EPG5: variants seen among roughly 807,000 people sequenced by gnomAD.
EPG5 encodes the protein ectopic P granules protein 5 homolog.
Under a neutral mutation model 302.7 loss-of-function variants are expected in EPG5, and 159 were observed. The ratio of observed to expected loss-of-function variants is 0.53; its 90% CI spans 0.46 to 0.60. EPG5 has a LOEUF of 0.60. EPG5 is among the 20% of genes least tolerant of loss of function. The probability of loss-of-function intolerance (pLI) is 0.00; values close to 1 mark genes in which losing one functional copy is unlikely to be tolerated. For missense variants in EPG5, 2,896 were observed against 3,092.4 expected, an observed-to-expected ratio of 0.94 and a Z score of 1.51; for synonymous variants, 1,158 against 1,136.8, an observed-to-expected ratio of 1.02 and a Z score of -0.37.
chr18:45,966,673 G>A lies in EPG5; in HGVS notation c.63+504C>T, dbSNP rs150084778. ...ATCAAGACAATAAGAAATAAACAGA[G>A]GCAGCACTACTATCATCTTGAACTT... On this transcript the variant is annotated intron_variant, in intron 1 of 43. Transcript: ENST00000282041. Among the ~76,000 whole-genome samples, 402 of 152,256 alleles carry A rather than the reference G, an allele frequency of 2.6e-3. 2 individuals are homozygous for A. Among genetic ancestry groups the A allele is most frequent in the African/African-American group, 9.3e-3 (387 of 41,538 alleles).
At chr18:45,963,927 T>G (rs2051198221) in intron 1 of EPG5, among the ~76,000 whole-genome samples, 1 of 152,134 alleles carries the variant, frequency 6.6e-6, no homozygotes, top group South Asian at 2.1e-4. Context: ...GGAGAGGAAA[T>G]GCACAGAATC....
intron 10 of EPG5, 141 bp from the exon 11 acceptor site, chr18:45,935,107 A>G: frequency 1.2e-6 from 1 of 850,002 alleles, no homozygotes; most frequent in Non-Finnish European, 1.8e-6. Flanking sequence ...TAAACACCTC[A>G]AGGATGGCTA....
chr18:45,825,122 G>C, the EPG5 span, among the ~76,000 whole-genome samples: 13 of 142,054 alleles, frequency 9.2e-5, no homozygotes, highest in South Asian at 5.1e-4. Context: ...CTTTGAGAAG[G>C]GAGGTAGGAA....
chr18:45,811,461 C>A, the EPG5 span, among the ~76,000 whole-genome samples: 1,391 of 151,860 alleles, frequency 9.2e-3, 15 homozygotes, highest in African/African-American at 0.031. Context: ...CACACACACA[C>A]AAAAAAGAGA....
chr18:45,836,053 C>T, the EPG5 span, among the ~76,000 whole-genome samples: 1 of 152,146 alleles, frequency 6.6e-6, no homozygotes, highest in African/African-American at 2.4e-5. Flanking sequence ...AGGAATGTCC[C>T]GACCTGTGAT....
rs2048729691 is a variant in EPG5 at position 45,865,681 on chromosome 18, T to C, written c.6700A>G (p.Thr2234Ala). 1 of 1,613,648 alleles carries C rather than the reference T, an allele frequency of 6.2e-7. No individual in the cohort carries two copies. Among genetic ancestry groups the C allele is most frequent in the African/African-American group, 1.3e-5 (1 of 74,732 alleles). The change falls in exon 39 of 44, where the codon ACC becomes GCC. Residue 2234 changes from threonine (T) to alanine (A), a missense_variant. This residue lies in a region of EPG5 where 620 missense variants were observed against 704.2 expected (regional missense o/e 0.88). Coordinates refer to ENST00000282041, the MANE Select transcript of EPG5 (RefSeq NM_020964.3). ...LSTLEQNGKI[T>A]LAVLEQEMSK... The stretch of plus-strand genomic sequence containing the variant: ...ATTTCCTGTTCTAGGACTGCTAAGG[T>C]GATTTTTCCATTTTGTTCCAGGGTG...
chr18:45,831,792 C>T, the EPG5 span, among the ~76,000 whole-genome samples: 1 of 150,110 alleles, frequency 6.7e-6, no homozygotes, highest in African/African-American at 2.5e-5. Context: ...GGCTGGAGTA[C>T]AGTGGGGCAA....
intron 6 of EPG5, 62 bp from the exon 7 acceptor site, chr18:45,946,830 T>G (rs1027186590): frequency 1.5e-6 from 2 of 1,295,332 alleles, no homozygotes; most frequent in Non-Finnish European, 2.2e-6. Context: ...GCATTGTGGA[T>G]TCTCTACTCA....
At chr18:45,966,018 G>C (rs1599670111) in intron 1 of EPG5, among the ~76,000 whole-genome samples, 1 of 148,946 alleles carries the variant, frequency 6.7e-6, no homozygotes, top group East Asian at 2.1e-4. Flanking sequence ...GCACTCCGCC[G>C]AGATTGCACT....
rs761064074 is a variant in EPG5, at chr18:45,904,080, T to C, written c.4367A>G (p.Tyr1456Cys). The change falls in exon 25 of 44, where the codon TAT becomes TGT. Residue 1456 changes from tyrosine to cysteine, a missense_variant. Transcript: ENST00000282041. ...WMEYLNMERI[Y>C]HEFQETVGLW... ...ACCAACAGTCTCCTGAAACTCATGATAGATGCGCTCCATGTTCAAATACTC... is the reference window on the plus strand; with the variant it reads ...ACCAACAGTCTCCTGAAACTCATGACAGATGCGCTCCATGTTCAAATACTC... 22 of 1,612,712 alleles carry C rather than the reference T, an allele frequency of 1.4e-5. No homozygotes were observed. In the Admixed American group the frequency reaches 3.2e-4, roughly 23 times the overall value.
rs1356594908 is a variant in EPG5, at chr18:45,954,825, G to C, written c.577C>G (p.Gln193Glu). The C allele has an allele frequency of 2.5e-6, 4 of 1,614,084 alleles. No homozygotes were observed. Among genetic ancestry groups the C allele is most frequent in the African/African-American group, 1.3e-5 (1 of 74,940 alleles). ...CAAGAACTCTGCAAGCCAACATTCT[G>C]TGGCACCTCTGAAGAACAAACCAGG... ...QGLVCSSEVP[Q>E]NVGLQSSCPA... The change falls in exon 2 of 44, where the codon CAG becomes GAG. Residue 193 changes from glutamine to glutamate, a missense_variant. By Grantham distance (29) the Gln-to-Glu change is conservative (BLOSUM62 2). Transcript: ENST00000282041.
At position 45,848,392 on chromosome 18, in the gene EPG5, CT is replaced by C. The variant is rs1366196579; in HGVS notation, c.*4074del. The C allele has an allele frequency of 6.6e-6, 1 of 152,228 alleles. No homozygotes were observed. The highest frequency in any genetic ancestry group is 2.4e-5 in the African/African-American group (1 of 41,458). The allele number at this position is 152,228 out of a possible 1,614,324, so 9.4% of individuals were successfully genotyped here. The stretch of plus-strand genomic sequence containing the variant: ...CATGAAGATGTGGGGTGAGATCTGT[CT>C]TGGGCAACAACTGATATTAAGCTGA... On this transcript the variant is annotated 3_prime_UTR_variant, in exon 44 of 44. Transcript: ENST00000282041.
In EPG5 at chr18:45,922,381, C is replaced by T; in HGVS notation, c.3058G>A (p.Gly1020Ser). 2 of 1,614,180 alleles carry T rather than the reference C, an allele frequency of 1.2e-6. No individual in the cohort carries two copies. The highest frequency in any genetic ancestry group is 1.7e-6 in the Non-Finnish European group (2 of 1,180,042). The change falls in exon 16 of 44, where the codon GGC becomes AGC. Residue 1020 changes from glycine to serine, a missense_variant. Physicochemically the swap from Gly to Ser is moderately conservative, Grantham distance 56. Transcript: ENST00000282041. ...LKAVKAGMPI[G>S]CYLALSMTAV... ...GTCATAGATAAGGCTAGATAACAGC[C>T]AATGGGCATGCCCGCTTTCACAGCC...
the EPG5 span, among the ~76,000 whole-genome samples, chr18:45,812,058 C>T: frequency 1.3e-5 from 2 of 152,180 alleles, no homozygotes; most frequent in South Asian, 4.1e-4. Flanking sequence ...TGATAAGAAA[C>T]TTCAGCAAAG....
chr18:45,805,874 A>C, the EPG5 span, among the ~76,000 whole-genome samples: 1 of 152,230 alleles, frequency 6.6e-6, no homozygotes, highest in Non-Finnish European at 1.5e-5. Context: ...TAAAGGAAGA[A>C]ATAGACAATT....
chr18:45,841,007 G>A, the EPG5 span: 2 of 152,268 alleles, frequency 1.3e-5, no homozygotes, highest in Non-Finnish European at 2.9e-5. Context: ...CTGCATACCA[G>A]GCACTGGTAC....
Position 45,915,525 on chromosome 18 carries a change from C to A in EPG5, c.3679G>T (p.Ala1227Ser), listed in dbSNP as rs1214126005. 5 of 1,613,616 alleles carry A rather than the reference C, an allele frequency of 3.1e-6. No individual in the cohort carries two copies. Among genetic ancestry groups the A allele is most frequent in the Middle Eastern group, 1.7e-4 (1 of 6,058 alleles). ...GAGTTTCCTACCTGAGTGGGCGTGG[C>A]CAAGCCCTCCACAAAGGAAGGAGTG... ...NITPSFVEGL[A>S]TPTQVWFAWT... Residue 1227 changes from alanine (A) to serine (S), a missense_variant, in exon 20 of 44, where the codon GCC becomes TCC. Ala to Ser is a moderately conservative substitution (Grantham distance 99). Transcript: ENST00000282041.
chr18:45,901,237 C>A (rs955141265), intron 25 of EPG5, 70 bp from the exon 26 acceptor site: 220 of 1,353,676 alleles, frequency 1.6e-4, no homozygotes, highest in Non-Finnish European at 3.7e-5. Context: ...GCATGTGGTA[C>A]AATTCAGTAG....
At position 45,917,661 on chromosome 18, in the gene EPG5, T is replaced by C. The variant is rs773125088; in HGVS notation, c.3239+18A>G. On this transcript the variant is annotated intron_variant, in intron 17 of 43. Coordinates refer to ENST00000282041, the MANE Select transcript of EPG5 (RefSeq NM_020964.3). Reference sequence around the variant, plus strand: ...GACTGTTTAAGAGTGTCTCCTGCCATAGATGGAACACACTTACTGCTCATT... The same window carrying C: ...GACTGTTTAAGAGTGTCTCCTGCCACAGATGGAACACACTTACTGCTCATT... 6.2e-7 allele frequency: 1 copy of C among 1,613,648 alleles called. No homozygotes were observed. Among genetic ancestry groups the C allele is most frequent in the Non-Finnish European group, 8.5e-7 (1 of 1,179,582 alleles).
Sources: gnomAD v4.1 joint callset for allele counts (sites outside exome capture counted in the v4.1 genomes callset) on GRCh38, gnomAD v4.1.1 for gene constraint, gnomAD v4.1.1 regional missense constraint, MANE v1.5 for transcripts, NCBI Gene and HGNC (gene_info 2026-07-23, HGNC 2026-07-21) for gene names.